The following WDFY4 variants were observed in gnomAD, a reference collection of about 807,000 sequenced individuals.
The protein encoded by WDFY4 is WDFY family member 4.
A neutral mutation model predicts 351.9 loss-of-function variants in WDFY4; 169 were observed. The observed-to-expected ratio is 0.48, with a 90% CI of 0.42 to 0.55. WDFY4 has a LOEUF of 0.55. Ranked by LOEUF, WDFY4 falls within the 20% of genes least tolerant of loss-of-function variation. The pLI is 0.00. For synonymous variants in WDFY4, 1,622 were observed against 1,574.6 expected, an observed-to-expected ratio of 1.03 and a Z score of -0.71; for missense variants, 3,803 against 3,935.6, an observed-to-expected ratio of 0.97 and a Z score of 0.90.
At chr10:48,804,156 AGAAG>A (rs1227145893) in intron 25 of WDFY4, among the ~76,000 whole-genome samples, 2 of 152,206 alleles carry the variant, frequency 1.3e-5, no homozygotes, top group Non-Finnish European at 2.9e-5. Context: ...AGAATAAGAG[AGAAG>A]GAAGGCAAGG....
chr10:48,792,083 A>G (rs768566129), intron 23 of WDFY4, among the ~76,000 whole-genome samples: 10 of 152,098 alleles, frequency 6.6e-5, no homozygotes, highest in Non-Finnish European at 1.0e-4. Context: ...TTCCAGCCCC[A>G]TCTCCAACCC....
chr10:48,768,448 G>A (rs142831378), intron 13 of WDFY4, among the ~76,000 whole-genome samples: 2 of 152,046 alleles, frequency 1.3e-5, no homozygotes, highest in East Asian at 1.9e-4. Context: ...CACCTGCCCC[G>A]CCTTCACATG....
At chr10:48,856,577 G>A (rs1234614356) in intron 39 of WDFY4, among the ~76,000 whole-genome samples, 2 of 152,040 alleles carry the variant, frequency 1.3e-5, no homozygotes, top group Non-Finnish European at 2.9e-5. Flanking sequence ...GTGGTTTAAG[G>A]AAATTATATT....
rs1221872202 is a variant in WDFY4, at chr10:48,877,059, G to A, written c.7027G>A (p.Gly2343Ser). The A allele has an allele frequency of 1.3e-6, 2 of 1,513,236 alleles. No individual in the cohort carries two copies. Among genetic ancestry groups the A allele is most frequent in the South Asian group, 1.3e-5 (1 of 78,044 alleles). 93.7% of individuals were successfully genotyped at this position (1,513,236 alleles called of 1,614,324 possible). Residue 2343 changes from glycine (G) to serine (S), a missense_variant, in exon 43 of 62, where the codon GGC becomes AGC. This residue lies in a region of WDFY4 where 3,054 missense variants were observed against 3,148.6 expected (regional missense o/e 0.97). Coordinates refer to ENST00000325239, the MANE Select transcript of WDFY4 (RefSeq NM_001394531.1). ...TGAACTGACACTGAGGGAGGCTGAG[G>A]GCGAGCCGGACGAGGTGGGGGTGGA... ...QDELTLREAE[G>S]EPDEVGVDCT...
At chr10:48,754,516 T>C (rs1251129807) in intron 12 of WDFY4, among the ~76,000 whole-genome samples, 2 of 151,918 alleles carry the variant, frequency 1.3e-5, no homozygotes, top group East Asian at 3.9e-4. Context: ...TCAATTCTCC[T>C]TTCTTGGCTC....
intron 47 of WDFY4, among the ~76,000 whole-genome samples, chr10:48,912,078 A>G (rs1266128778): frequency 1.3e-5 from 2 of 152,242 alleles, no homozygotes; most frequent in African/African-American, 2.4e-5. Flanking sequence ...CCCTCAAGGT[A>G]TCATTCTTGA....
At chr10:48,775,855 A>G (rs1254040714) in intron 15 of WDFY4, 49 bp downstream of exon 15, 2 of 1,477,218 alleles carry the variant, frequency 1.4e-6, no homozygotes, top group Non-Finnish European at 1.9e-6. Flanking sequence ...GTAAAAGATG[A>G]TAGGCATTCC....
At chr10:48,868,287 T>C (rs1342020253) in intron 40 of WDFY4, among the ~76,000 whole-genome samples, 1 of 152,174 alleles carries the variant, frequency 6.6e-6, no homozygotes, top group Non-Finnish European at 1.5e-5. Flanking sequence ...TCCTGAGTGA[T>C]GGGAGCAGCA....
chr10:48,905,472 A>G (rs1282330455), intron 47 of WDFY4, among the ~76,000 whole-genome samples: 1 of 152,136 alleles, frequency 6.6e-6, no homozygotes, highest in East Asian at 1.9e-4. Flanking sequence ...GTTGAGCCCC[A>G]TTCTGATTTT....
At chr10:48,913,575 C>A (rs1309623155) in intron 47 of WDFY4, 1 of 1,614,130 alleles carries the variant, frequency 6.2e-7, no homozygotes, top group Non-Finnish European at 8.5e-7. Flanking sequence ...GTTCTCCAGC[C>A]TCCTGATGGA....
intron 35 of WDFY4, among the ~76,000 whole-genome samples, chr10:48,825,491 G>A (rs368453045): frequency 2.2e-4 from 34 of 152,096 alleles, no homozygotes; most frequent in African/African-American, 8.0e-4. Context: ...GGGATTGCTG[G>A]GTCAAATGGT....
chr10:48,811,992 G>T (rs998837114), intron 30 of WDFY4, among the ~76,000 whole-genome samples: 1 of 152,018 alleles, frequency 6.6e-6, no homozygotes, highest in Non-Finnish European at 1.5e-5. Context: ...CACAGCTAGG[G>T]GAATGACATG....
At chr10:48,916,567 C>G (rs1194575666) in intron 47 of WDFY4, among the ~76,000 whole-genome samples, 9 of 152,186 alleles carry the variant, frequency 5.9e-5, no homozygotes, top group African/African-American at 1.9e-4. Flanking sequence ...GAGGCAGAAA[C>G]AGTTGCAAGA....
chr10:48,946,283 C>G, intron 50 of WDFY4, 126 bp downstream of exon 50: 8 of 738,088 alleles, frequency 1.1e-5, no homozygotes, highest in Non-Finnish European at 1.8e-5. Flanking sequence ...GGACTCTAAC[C>G]TGGTGGTAGG....
At chr10:48,890,817 T>G in intron 44 of WDFY4, 90 bp downstream of exon 44, 1 of 1,507,518 alleles carries the variant, frequency 6.6e-7, no homozygotes, top group Non-Finnish European at 9.0e-7. Flanking sequence ...CACCTTGTTC[T>G]TACAGTGGGC....
intron 2 of WDFY4, among the ~76,000 whole-genome samples, chr10:48,714,438 A>G (rs754441440): frequency 1.4e-4 from 21 of 152,354 alleles, no homozygotes; most frequent in South Asian, 6.2e-4. Flanking sequence ...CACAGAGCCA[A>G]TGACTTCTGT....
At position 48,877,076 on chromosome 10, in the gene WDFY4, G is replaced by A. The variant is rs908918165; in HGVS notation, c.7044G>A (p.Val2348=). The A allele has an allele frequency of 6.5e-6, 10 of 1,530,460 alleles. No homozygotes were observed. The highest frequency in any genetic ancestry group is 2.1e-5 in the Admixed American group (1 of 47,946). The allele number at this position is 1,530,460 out of a possible 1,614,324, so 94.8% of individuals were successfully genotyped here. Residue 2348 remains valine, a synonymous_variant, in exon 43 of 62, where the codon GTG becomes GTA. Coordinates refer to ENST00000325239, the MANE Select transcript of WDFY4 (RefSeq NM_001394531.1). ...LREAEGEPDE[V]GVDCTQLTFF... ...AGGCTGAGGGCGAGCCGGACGAGGT[G>A]GGGGTGGACTGCACCCAGCTGACCT...
rs528005887 is a variant in WDFY4, at chr10:48,884,150, T to C, written c.7168-6429T>C. The C allele has an allele frequency of 2.0e-5, 3 of 152,262 alleles. No homozygotes were observed. The South Asian group carries it at 6.2e-4, about 32-fold the overall frequency. The allele number at this position is 152,262 out of a possible 1,614,324, so 9.4% of individuals were successfully genotyped here. ...ATTTTTTTTTCATACAAACTCAATGTAAAATATGAGTTTGACCTTGGTAGA... is the reference window on the plus strand; with the variant it reads ...ATTTTTTTTTCATACAAACTCAATGCAAAATATGAGTTTGACCTTGGTAGA... On this transcript the variant is annotated intron_variant, in intron 43 of 61. Transcript: ENST00000325239.
intron 23 of WDFY4, 101 bp downstream of exon 23, chr10:48,791,018 G>T (rs1302243764): frequency 1.2e-5 from 17 of 1,414,870 alleles, no homozygotes; most frequent in Admixed American, 6.4e-5. Flanking sequence ...TCCCTCCAGG[G>T]TGACTTCTAG....
Sources: allele counts gnomAD v4.1 joint callset (sites outside exome capture counted in the v4.1 genomes callset), GRCh38; gene constraint gnomAD v4.1.1; regional missense constraint gnomAD v4.1.1; transcripts MANE v1.5; gene names NCBI Gene and HGNC (gene_info 2026-07-23, HGNC 2026-07-21).